Variants in PCDH15 observed in about 807,000 individuals in gnomAD.
The protein encoded by PCDH15 is protocadherin related 15, also known as protocadherin-15.
Under a neutral mutation model 178.5 loss-of-function variants are expected in PCDH15, and 129 were observed. The observed-to-expected ratio is 0.72, with a 90% CI of 0.63 to 0.84. The LOEUF (loss-of-function observed/expected upper bound fraction) is 0.84. PCDH15 is among the 40% of genes least tolerant of loss of function. The pLI is 0.00. For synonymous variants in PCDH15, 800 were observed against 732.0 expected (o/e 1.09, Z -1.50); for missense variants, 2,230 against 2,099.9 (o/e 1.06, Z -1.21).
At chr10:54,416,288 C>G (rs369496699) in intron 3 of PCDH15, among the ~76,000 whole-genome samples, 13 of 152,142 alleles carry the variant, frequency 8.5e-5, no homozygotes, top group East Asian at 5.8e-4. Flanking sequence ...TCCCCACCCC[C>G]CAAAAGGCCC....
At chr10:54,108,633 T>C (rs2094958976) in intron 15 of PCDH15, among the ~76,000 whole-genome samples, 1 of 152,106 alleles carries the variant, frequency 6.6e-6, no homozygotes, top group Non-Finnish European at 1.5e-5. Flanking sequence ...TAGGATGGCA[T>C]GTGACCTACG....
intron 2 of PCDH15, among the ~76,000 whole-genome samples, chr10:55,009,420 G>T (rs1840002042): frequency 6.6e-6 from 1 of 151,672 alleles, no homozygotes; most frequent in Non-Finnish European, 1.5e-5. Context: ...GAAGAATAAG[G>T]GCTTTAGTAA....
rs904828819 is a variant in PCDH15 at position 53,807,018 on chromosome 10, A to G, written c.4784T>C (p.Ile1595Thr). 2 of 1,613,576 alleles carry G rather than the reference A, an allele frequency of 1.2e-6. No individual in the cohort carries two copies. Among genetic ancestry groups the G allele is most frequent in the Admixed American group, 3.3e-5 (2 of 59,912 alleles). ...CQRNRLHHPS[I>T]HSNINGNIYI... ...TATATTGCCGTTGATATTACTGTGG[A>G]TACTAGGATGGTGAAGACGGTTTCT... is the stretch of plus-strand genomic sequence containing the variant. The change falls in exon 38 of 38, where the codon ATC becomes ACC. Residue 1595 changes from isoleucine to threonine, a missense_variant. Coordinates refer to ENST00000644397, the MANE Select transcript of PCDH15 (RefSeq NM_001384140.1).
chr10:55,020,649 G>C (rs1840305056), intron 2 of PCDH15, among the ~76,000 whole-genome samples: 1 of 152,078 alleles, frequency 6.6e-6, no homozygotes, highest in Admixed American at 6.6e-5. Context: ...GTCAAGCTGG[G>C]AACTGGGTCA....
chr10:54,881,078 C>G (rs1954254710), intron 3 of PCDH15, among the ~76,000 whole-genome samples: 1 of 151,976 alleles, frequency 6.6e-6, no homozygotes, highest in African/African-American at 2.4e-5. Flanking sequence ...CTTCCAGCAT[C>G]TTTTCTGACT....
At chr10:54,384,560 G>C (rs1309139778) in intron 3 of PCDH15, among the ~76,000 whole-genome samples, 2 of 151,782 alleles carry the variant, frequency 1.3e-5, no homozygotes, top group Admixed American at 6.6e-5. Flanking sequence ...AATCCTCTTG[G>C]GTATGCTTGC....
At chr10:54,780,733 T>TAAAAAAAAAAAAAAAAAAAAAAA (rs35494053) in intron 1 of PCDH15, among the ~76,000 whole-genome samples, 1 of 114,330 alleles carries the variant, frequency 8.7e-6, no homozygotes, top group Non-Finnish European at 1.9e-5. Context: ...AGCAATTGTG[T>TAAAAAAAAAAAAAAAAAAAAAAA]AAAAAAAAAA....
chr10:55,418,349 T>A (rs1028799941), intron 2 of PCDH15, among the ~76,000 whole-genome samples: 1 of 151,726 alleles, frequency 6.6e-6, no homozygotes, highest in Non-Finnish European at 1.5e-5. Flanking sequence ...GAGAGGAAAG[T>A]CAGGGCACTG....
intron 9 of PCDH15, among the ~76,000 whole-genome samples, chr10:54,225,862 G>A (rs777984658): frequency 6.6e-6 from 1 of 152,058 alleles, no homozygotes; most frequent in African/African-American, 2.4e-5. Context: ...TTTATATACT[G>A]ACTGACACTG....
At chr10:54,637,226 T>C (rs1035159471) in intron 2 of PCDH15, among the ~76,000 whole-genome samples, 2 of 151,864 alleles carry the variant, frequency 1.3e-5, no homozygotes, top group Admixed American at 6.6e-5. Flanking sequence ...TTGATAGATA[T>C]ATGAGTTTTC....
At chr10:54,045,058 A>G (rs1248616400) in intron 18 of PCDH15, among the ~76,000 whole-genome samples, 2 of 152,138 alleles carry the variant, frequency 1.3e-5, no homozygotes, top group Non-Finnish European at 2.9e-5. Context: ...AGAATACTGG[A>G]AAAGCCTCTT....
intron 25 of PCDH15, among the ~76,000 whole-genome samples, chr10:53,909,081 C>G (rs35391202): frequency 6.6e-6 from 1 of 152,078 alleles, no homozygotes; most frequent in South Asian, 2.1e-4. Flanking sequence ...CCTCACGTAT[C>G]GACGGAAGAA....
At chr10:54,910,316 C>CA (rs1036805163) in intron 2 of PCDH15, among the ~76,000 whole-genome samples, 35 of 151,990 alleles carry the variant, frequency 2.3e-4, no homozygotes, top group Non-Finnish European at 8.8e-5. Context: ...TATTCCTGAG[C>CA]AAAAAACTCC....
intron 14 of PCDH15, among the ~76,000 whole-genome samples, chr10:54,135,579 T>A (rs2042837019): frequency 6.6e-6 from 1 of 152,324 alleles, no homozygotes; most frequent in South Asian, 2.1e-4. Flanking sequence ...AGCCCCAAGA[T>A]GTAAAACATT....
At chr10:55,335,187 T>C (rs142847670) in intron 2 of PCDH15, among the ~76,000 whole-genome samples, 3 of 152,244 alleles carry the variant, frequency 2.0e-5, no homozygotes, top group East Asian at 1.9e-4. Context: ...TTTCAACTTA[T>C]AGATAAGTTA....
chr10:55,330,680 T>C (rs892545909), intron 2 of PCDH15, among the ~76,000 whole-genome samples: 16 of 151,950 alleles, frequency 1.1e-4, no homozygotes, highest in African/African-American at 3.6e-4. Context: ...AAGCCATCAA[T>C]GTGTGACTCA....
intron 18 of PCDH15, among the ~76,000 whole-genome samples, chr10:54,039,296 G>C (rs2093487411): frequency 6.6e-6 from 1 of 151,918 alleles, no homozygotes; most frequent in African/African-American, 2.4e-5. Flanking sequence ...CTGCATGATA[G>C]ATTGGAGTCC....
At chr10:54,584,328 A>G (rs1490776678) in intron 2 of PCDH15, among the ~76,000 whole-genome samples, 3 of 152,102 alleles carry the variant, frequency 2.0e-5, no homozygotes, top group Non-Finnish European at 4.4e-5. Context: ...CAGGGTTTTG[A>G]GTCTGCAAGG....
chr10:53,928,719 T>G (rs1489535585), intron 25 of PCDH15, among the ~76,000 whole-genome samples: 1 of 151,992 alleles, frequency 6.6e-6, no homozygotes, highest in Non-Finnish European at 1.5e-5. Flanking sequence ...GCAAGAGGTT[T>G]AGAGTGACTG....
Sources: allele counts gnomAD v4.1 joint callset (sites outside exome capture counted in the v4.1 genomes callset), GRCh38; gene constraint gnomAD v4.1.1; transcripts MANE v1.5; gene names NCBI Gene and HGNC (gene_info 2026-07-23, HGNC 2026-07-21).